Variants in SHROOM3 observed in about 807,000 individuals in gnomAD.
SHROOM3 encodes the protein protein Shroom3.
SHROOM3 carries 47 observed loss-of-function variants against 138.6 expected under a neutral mutation model. That is an observed-to-expected ratio of 0.34 (90% CI 0.27 to 0.43). The LOEUF is 0.43. Among genes scored for constraint, SHROOM3 ranks in the 20% least tolerant of loss-of-function variants. The pLI, the probability that SHROOM3 is intolerant of heterozygous loss-of-function variation, is 1.00. For missense variants in SHROOM3, 2,491 were observed against 2,596.5 expected (o/e 0.96, Z 0.88); for synonymous variants, 1,062 against 1,063.3 (o/e 1.00, Z 0.02).
intron 2 of SHROOM3, among the ~76,000 whole-genome samples, chr4:76,572,209 G>T (rs1733846480): frequency 6.6e-6 from 1 of 152,076 alleles, no homozygotes; most frequent in Non-Finnish European, 1.5e-5. Flanking sequence ...ATACAATCTT[G>T]CACTAACATA....
intron 2 of SHROOM3, among the ~76,000 whole-genome samples, chr4:76,607,814 C>G (rs1734654591): frequency 6.6e-6 from 1 of 152,194 alleles, no homozygotes; most frequent in Admixed American, 6.5e-5. Flanking sequence ...ATAGTTACCA[C>G]TAGCCCCTGG....
intron 2 of SHROOM3, among the ~76,000 whole-genome samples, chr4:76,585,830 T>A (rs1175186163): frequency 6.6e-6 from 1 of 152,190 alleles, no homozygotes; most frequent in Non-Finnish European, 1.5e-5. Flanking sequence ...AAGAAACTGT[T>A]GCTTGCAAAA....
At chr4:76,745,121 A>T (rs1259572026) in intron 5 of SHROOM3, among the ~76,000 whole-genome samples, 2 of 152,206 alleles carry the variant, frequency 1.3e-5, no homozygotes, top group Non-Finnish European at 2.9e-5. Flanking sequence ...GAACAAATAG[A>T]TATTAGTGAT....
intron 2 of SHROOM3, among the ~76,000 whole-genome samples, chr4:76,686,346 CAT>C (rs1719338345): frequency 6.6e-6 from 1 of 151,986 alleles, no homozygotes; most frequent in Admixed American, 6.6e-5. Flanking sequence ...TAAAGTATAA[CAT>C]ATGTTACAAA....
intron 5 of SHROOM3, among the ~76,000 whole-genome samples, chr4:76,742,282 CT>C (rs11362789): frequency 0.013 from 1,886 of 149,528 alleles, 32 homozygotes; most frequent in African/African-American, 0.044. Context: ...GAGTCTGGGT[CT>C]GAGTATTTTA....
chr4:76,455,927 C>T (rs1731018481), intron 1 of SHROOM3, among the ~76,000 whole-genome samples: 3 of 152,134 alleles, frequency 2.0e-5, no homozygotes. Flanking sequence ...TACCAAAACC[C>T]ATGGATGCTT....
intron 2 of SHROOM3, chr4:76,586,023 A>C (rs1734143846): frequency 6.5e-6 from 1 of 153,290 alleles, no homozygotes; most frequent in African/African-American, 2.4e-5. Context: ...GGGGACGGGC[A>C]GGACACCACA....
At chr4:76,727,333 CT>C (rs1720737955) in intron 3 of SHROOM3, among the ~76,000 whole-genome samples, 1 of 152,166 alleles carries the variant, frequency 6.6e-6, no homozygotes, top group African/African-American at 2.4e-5. Flanking sequence ...TACTCCCAGA[CT>C]TACTAGCTGT....
At chr4:76,745,332 G>T (rs1721400635) in intron 5 of SHROOM3, among the ~76,000 whole-genome samples, 1 of 152,208 alleles carries the variant, frequency 6.6e-6, no homozygotes, top group Non-Finnish European at 1.5e-5. Flanking sequence ...AACCCTTGGA[G>T]AAATAAGATT....
At chr4:76,680,781 G>A (rs1435154849) in intron 2 of SHROOM3, among the ~76,000 whole-genome samples, 4 of 152,136 alleles carry the variant, frequency 2.6e-5, no homozygotes, top group African/African-American at 7.2e-5. Flanking sequence ...CATCATAAGC[G>A]CTGCAGCCAG....
At chr4:76,574,702 A>G (rs1356601908) in intron 2 of SHROOM3, among the ~76,000 whole-genome samples, 1 of 152,264 alleles carries the variant, frequency 6.6e-6, no homozygotes, top group African/African-American at 2.4e-5. Flanking sequence ...ACATTATGCT[A>G]AGTGAAATAA....
chr4:76,458,493 C>T (rs1257831229), intron 1 of SHROOM3, among the ~76,000 whole-genome samples: 1 of 152,176 alleles, frequency 6.6e-6, no homozygotes, highest in African/African-American at 2.4e-5. Context: ...ACCATCACCA[C>T]TATCTGGTTC....
Position 76,668,412 on chromosome 4 carries a change from C to A in SHROOM3, c.324-41744C>A, listed in dbSNP as rs187794259. ...CCCGTCTCTACTAAAAATACAACAA[C>A]AACAACAAAAATTAGCCGGACGTAG... On this transcript the variant is annotated intron_variant, in intron 2 of 10. Transcript: ENST00000296043. Among the ~76,000 whole-genome samples the A allele has an allele frequency of 1.8e-4, 28 of 151,906 alleles. No individual in the cohort carries two copies. In the East Asian group the frequency reaches 4.1e-3, roughly 22 times the overall value.
intron 1 of SHROOM3, among the ~76,000 whole-genome samples, chr4:76,454,436 T>A (rs1298127731): frequency 1.3e-5 from 2 of 152,238 alleles, no homozygotes; most frequent in Non-Finnish European, 2.9e-5. Flanking sequence ...TACTGAATGA[T>A]CTTGGCACTC....
intron 1 of SHROOM3, among the ~76,000 whole-genome samples, chr4:76,522,118 T>C (rs533252746): frequency 6.7e-6 from 1 of 149,732 alleles, no homozygotes; most frequent in African/African-American, 2.4e-5. Context: ...AGAAACATGA[T>C]AATTAAATAC....
At chr4:76,752,398 A>G (rs151214147) in intron 6 of SHROOM3, among the ~76,000 whole-genome samples, 81 of 152,338 alleles carry the variant, frequency 5.3e-4, no homozygotes, top group African/African-American at 1.9e-3. Flanking sequence ...ACATATTAAC[A>G]CTACTGAACT....
chr4:76,472,570 C>T (rs1459514539), intron 1 of SHROOM3, among the ~76,000 whole-genome samples: 2 of 152,058 alleles, frequency 1.3e-5, no homozygotes, highest in East Asian at 3.9e-4. Flanking sequence ...ATTATATGTA[C>T]TTTTTGGTGT....
intron 2 of SHROOM3, among the ~76,000 whole-genome samples, chr4:76,652,761 C>G (rs1735987125): frequency 1.3e-5 from 2 of 151,718 alleles, no homozygotes; most frequent in Admixed American, 1.3e-4. Context: ...CCCTCTCTCT[C>G]TCTCTCTCTG....
At chr4:76,702,910 A>T (rs952439323) in intron 2 of SHROOM3, among the ~76,000 whole-genome samples, 15 of 152,112 alleles carry the variant, frequency 9.9e-5, no homozygotes, top group African/African-American at 3.4e-4. Flanking sequence ...CCCTTTCCTC[A>T]TCTTTCTGCA....
Sources: gnomAD v4.1 joint callset for allele counts (sites outside exome capture counted in the v4.1 genomes callset) on GRCh38, gnomAD v4.1.1 for gene constraint, MANE v1.5 for transcripts, NCBI Gene and HGNC (gene_info 2026-07-23, HGNC 2026-07-21) for gene names.